Variants in MRPS2 observed in about 807,000 individuals in gnomAD.
MRPS2 encodes the protein small ribosomal subunit protein uS2m.
A neutral mutation model predicts 18.9 loss-of-function variants in MRPS2; 13 were observed. The observed-to-expected ratio is 0.69, with a 90% CI of 0.45 to 1.09. MRPS2 has a LOEUF of 1.09. Among genes scored for constraint, MRPS2 ranks in the 50% least tolerant of loss-of-function variants. MRPS2 has a pLI of 0.00. For synonymous variants in MRPS2, 186 were observed against 178.4 expected, an observed-to-expected ratio of 1.04 and a Z score of -0.34; for missense variants, 389 against 421.7, an observed-to-expected ratio of 0.92 and a Z score of 0.68.
At chr9:135,500,021 G>A (rs1831075772), upstream of MRPS2, 6 of 734,390 alleles carry the variant, frequency 8.2e-6, no homozygotes, top group South Asian at 1.3e-4. Context: ...GGGAAGGTCG[G>A]GACGGCGAGA....
chr9:135,500,847 A>G (rs1055666939), intron 1 of MRPS2, 94 bp downstream of exon 1: 1 of 1,487,436 alleles, frequency 6.7e-7, no homozygotes, highest in Non-Finnish European at 9.0e-7. Context: ...CGTGGAGGGG[A>G]CCCGGGGCGA....
chr9:135,504,006 C>A lies in MRPS2; in HGVS notation c.764C>A (p.Thr255Lys). 1 of 1,613,548 alleles carries A rather than the reference C, an allele frequency of 6.2e-7. No individual in the cohort carries two copies. The highest frequency in any genetic ancestry group is 8.5e-7 in the Non-Finnish European group (1 of 1,180,042). Residue 255 changes from threonine (T) to lysine (K), a missense_variant, in exon 4 of 4, where the codon ACG becomes AAG. Transcript: ENST00000241600. The surrounding 1 kb of genome is among the most constrained non-coding windows in gnomAD (Gnocchi z 4.3). The stretch of plus-strand genomic sequence containing the variant: ...CACCTCTACTGCAGGCTCTTCCAGA[C>A]GGCCATCACCCGGGCCAAGGAGAAG... The part of the protein sequence containing the change: ...AVHLYCRLFQ[T>K]AITRAKEKRQ...
rs760597167 is a variant in MRPS2, at chr9:135,504,363, G to A, written c.*230G>A. On this transcript the variant is annotated 3_prime_UTR_variant, in exon 4 of 4. Transcript: ENST00000241600. The surrounding 1 kb of genome is among the most constrained non-coding windows in gnomAD (Gnocchi z 4.3). ...AGAGGGTGAGCGACATGTGCAGAAC[G>A]GCCCCTTGGCTGCAGTTAGGACCTC... 1.1e-5 allele frequency: 6 copies of A among 567,498 alleles called. No individual in the cohort carries two copies. Among genetic ancestry groups the A allele is most frequent in the Admixed American group, 3.3e-5 (1 of 30,268 alleles). The allele number at this position is 567,498 out of a possible 1,614,324, so 35.2% of individuals were successfully genotyped here.
intron 3 of MRPS2, 168 bp from the exon 4 acceptor site, chr9:135,503,374 C>T: frequency 7.1e-7 from 1 of 1,408,512 alleles, no homozygotes; most frequent in East Asian, 2.5e-5. Flanking sequence ...GATGGGTCTG[C>T]ACTGCTGTCC....
At position 135,501,170 on chromosome 9, in the gene MRPS2, G is replaced by T. The variant is rs779861900; in HGVS notation, c.169+47G>T. ...AGTTGGGTGGGAACGAGGAGAGGCC[G>T]GCAGCCGCGGGGGATGCGAACCCTA... On this transcript the variant is annotated intron_variant, in intron 2 of 3. Transcript: ENST00000241600. The T allele has an allele frequency of 2.6e-6, 4 of 1,530,062 alleles. No individual in the cohort carries two copies. In the Admixed American group the frequency reaches 5.9e-5, roughly 23 times the overall value. 94.8% of individuals were successfully genotyped at this position (1,530,062 alleles called of 1,614,324 possible). A position where few individuals can be genotyped will look rare whatever the true frequency, so the allele number is the denominator to read the frequency against.
chr9:135,501,845 T>G lies in MRPS2; in HGVS notation c.171T>G (p.Asp57Glu), dbSNP rs753582180. The part of the protein sequence containing the change: ...LMIRESEDST[D>E]FNDKILNEPL... ...CGTCGCTCCTCCTCCCTGCCGTAGA[T>G]TTCAACGACAAGATTTTGAATGAGC... The change falls in exon 3 of 4, where the codon GAT becomes GAG. Residue 57 changes from aspartate to glutamate, a missense_variant and splice_region_variant. Physicochemically the swap from Asp to Glu is conservative, Grantham distance 45 (BLOSUM62 2). Coordinates refer to ENST00000241600, the MANE Select transcript of MRPS2 (RefSeq NM_016034.5). 8.1e-6 allele frequency: 13 copies of G among 1,613,436 alleles called. No homozygotes were observed. The South Asian group carries it at 1.4e-4, about 18-fold the overall frequency.
chr9:135,500,993 C>G lies in MRPS2; in HGVS notation c.44-5C>G. On this transcript the variant is annotated splice_polypyrimidine_tract_variant and splice_region_variant and intron_variant, in intron 1 of 3. Transcript: ENST00000241600. Reference sequence around the variant, plus strand: ...GCGCCAGGACCTCTATCTACTTCCCCCCAGGTGCCCGGGCCCCGTCGCGCT... The same window carrying G: ...GCGCCAGGACCTCTATCTACTTCCCGCCAGGTGCCCGGGCCCCGTCGCGCT... The G allele has an allele frequency of 6.2e-7, 1 of 1,611,804 alleles. No homozygotes were observed. The highest frequency in any genetic ancestry group is 8.5e-7 in the Non-Finnish European group (1 of 1,179,584).
At chr9:135,500,278 C>T (rs1831080091), upstream of MRPS2, 1 of 274,442 alleles carries the variant, frequency 3.6e-6, no homozygotes, top group Non-Finnish European at 6.8e-6. Context: ...AATTGAGACC[C>T]GAGATCTGGC....
intron 3 of MRPS2, chr9:135,502,994 C>A (rs992734730): frequency 1.7e-6 from 1 of 575,348 alleles, no homozygotes. Context: ...GGATGACTCG[C>A]CTGTCACGCA....
At chr9:135,500,881 C>T in intron 1 of MRPS2, 117 bp from the exon 2 acceptor site, 1 of 1,529,690 alleles carries the variant, frequency 6.5e-7, no homozygotes, top group Non-Finnish European at 8.9e-7. Flanking sequence ...TCGGGGAGGG[C>T]GCGGGGACGC....
chr9:135,501,198 G>A, intron 2 of MRPS2, 75 bp downstream of exon 2: 3 of 1,492,828 alleles, frequency 2.0e-6, no homozygotes, highest in Non-Finnish European at 2.7e-6. Context: ...GAACCCTAGA[G>A]GGGCCTGGGC....
rs1248996667 is a variant in MRPS2, at chr9:135,503,588, A to G, written c.346A>G (p.Ile116Val). Residue 116 changes from isoleucine (I) to valine (V), a missense_variant, in exon 4 of 4, where the codon ATC becomes GTC. Physicochemically the swap from Ile to Val is conservative, Grantham distance 29. Transcript: ENST00000241600. ...IFGSRLDHDIIDLEQTATHLQ... is the reference protein window; with the variant it reads ...IFGSRLDHDIVDLEQTATHLQ... Reference sequence around the variant, plus strand: ...TGGGAGCCGCCTGGACCACGACATCATCGACCTGGAACAGACAGCCACGCA... The same window carrying G: ...TGGGAGCCGCCTGGACCACGACATCGTCGACCTGGAACAGACAGCCACGCA... 1.9e-6 allele frequency: 3 copies of G among 1,613,646 alleles called. No homozygotes were observed. The highest frequency in any genetic ancestry group is 3.3e-5 in the Admixed American group (2 of 60,016).
intron 1 of MRPS2, 91 bp downstream of exon 1, chr9:135,500,844 G>A: frequency 2.0e-6 from 3 of 1,492,122 alleles, no homozygotes; most frequent in South Asian, 2.6e-5. Context: ...GGACGTGGAG[G>A]GGACCCGGGG....
At chr9:135,501,618 A>G in intron 2 of MRPS2, 22 of 1,354,578 alleles carry the variant, frequency 1.6e-5, no homozygotes, top group Non-Finnish European at 2.0e-5. Flanking sequence ...ACCAGGTTCG[A>G]CCAGGCTTAC....
chr9:135,502,357 T>TG, intron 3 of MRPS2: 1 of 221,538 alleles, frequency 4.5e-6, no homozygotes. Context: ...TTGACTGCTG[T>TG]GGGGGGAGGG....
rs547240917 is a variant in MRPS2 at position 135,504,266 on chromosome 9, G to A, written c.*133G>A. 109 of 858,988 alleles carry A rather than the reference G, an allele frequency of 1.3e-4. No individual in the cohort carries two copies. The South Asian group carries it at 1.4e-3, about 11-fold the overall frequency. The allele number at this position is 858,988 out of a possible 1,614,324, so 53.2% of individuals were successfully genotyped here. ...TGATGTCACAGTGCAGACATCCACCGTTCCACCACAGAACCAGTGGCTGAG... is the reference window on the plus strand; with the variant it reads ...TGATGTCACAGTGCAGACATCCACCATTCCACCACAGAACCAGTGGCTGAG... On this transcript the variant is annotated 3_prime_UTR_variant, in exon 4 of 4. Transcript: ENST00000241600. This position sits in a 1 kb window ranked among gnomAD's most constrained non-coding sequence, Gnocchi z 4.3.
chr9:135,501,258 T>G lies in MRPS2; in HGVS notation c.169+135T>G, dbSNP rs1256627688. 28 of 1,431,694 alleles carry G rather than the reference T, an allele frequency of 2.0e-5. 1 individual carries two copies. The highest frequency in any genetic ancestry group is 1.6e-4 in the South Asian group (11 of 66,846). The allele number at this position is 1,431,694 out of a possible 1,614,324, so 88.7% of individuals were successfully genotyped here. A position where few individuals can be genotyped will look rare whatever the true frequency, so the allele number is the denominator to read the frequency against. On this transcript the variant is annotated intron_variant, in intron 2 of 3. Transcript: ENST00000241600. ...CTCCGCTGGGCTCCTCCCACTCCCG[T>G]GCTCGCCGCCGCTCGGTCCTGCCTG...
chr9:135,503,878 A>G lies in MRPS2; in HGVS notation c.636A>G (p.Ala212=). ...AGCCACACGTGGCCGTGAGAGACGC[A>G]GCCAAGATGAACATCCCCACAGTGG... is the stretch of plus-strand genomic sequence containing the variant. ...IFEPHVAVRD[A]AKMNIPTVGI... Residue 212 remains alanine (A), a synonymous_variant, in exon 4 of 4, where the codon GCA becomes GCG. Coordinates refer to ENST00000241600, the MANE Select transcript of MRPS2 (RefSeq NM_016034.5). 1 of 1,614,014 alleles carries G rather than the reference A, an allele frequency of 6.2e-7. No individual in the cohort carries two copies. The highest frequency in any genetic ancestry group is 1.6e-4 in the Middle Eastern group (1 of 6,062).
At chr9:135,501,183 G>T in intron 2 of MRPS2, 60 bp downstream of exon 2, 1 of 1,514,732 alleles carries the variant, frequency 6.6e-7, no homozygotes, top group Non-Finnish European at 8.8e-7. Context: ...AGCCGCGGGG[G>T]ATGCGAACCC....
Sources: gnomAD v4.1 joint callset for allele counts on GRCh38, gnomAD v4.1.1 for gene constraint, Gnocchi (gnomAD v3.1) non-coding constraint, MANE v1.5 for transcripts, NCBI Gene and HGNC (gene_info 2026-07-23, HGNC 2026-07-21) for gene names.